The following PTDSS1 variants were observed in gnomAD, a reference collection of about 807,000 sequenced individuals.
PTDSS1 encodes the protein PSS-1.
PTDSS1 carries 45 observed loss-of-function variants against 70.5 expected under a neutral mutation model. The observed-to-expected ratio is 0.64, with a 90% CI of 0.50 to 0.82. The LOEUF is 0.82. Ranked by LOEUF, PTDSS1 falls within the 40% of genes least tolerant of loss-of-function variation. The probability of loss-of-function intolerance (pLI) is 0.00; values close to 1 mark genes in which losing one functional copy is unlikely to be tolerated. For synonymous variants in PTDSS1, 188 were observed against 203.8 expected (o/e 0.92, Z 0.66); for missense variants, 417 against 586.1 (o/e 0.71, Z 2.98).
chr8:96,317,028 T>G (rs1039188049), intron 9 of PTDSS1, among the ~76,000 whole-genome samples: 7 of 30,486 alleles, frequency 2.3e-4, no homozygotes, highest in Admixed American at 8.6e-4. Context: ...TATATATATA[T>G]GTGTCTATAT....
At chr8:96,310,576 T>C (rs1811196627) in intron 9 of PTDSS1, among the ~76,000 whole-genome samples, 2 of 152,002 alleles carry the variant, frequency 1.3e-5, no homozygotes, top group African/African-American at 4.8e-5. Flanking sequence ...TTGGTTGCAT[T>C]CCTTCTGGAT....
At chr8:96,316,880 G>A (rs1345002076) in intron 9 of PTDSS1, among the ~76,000 whole-genome samples, 1 of 151,980 alleles carries the variant, frequency 6.6e-6, no homozygotes, top group African/African-American at 2.4e-5. Context: ...TGTAGTCCCA[G>A]CTACTCAGTA....
intron 7 of PTDSS1, among the ~76,000 whole-genome samples, chr8:96,305,350 A>C (rs1300133172): frequency 6.6e-6 from 1 of 152,172 alleles, no homozygotes; most frequent in Admixed American, 6.5e-5. Context: ...AACAACATGC[A>C]TTTTGTGGAA....
At chr8:96,310,207 C>T (rs1489867021) in intron 9 of PTDSS1, among the ~76,000 whole-genome samples, 2 of 150,686 alleles carry the variant, frequency 1.3e-5, no homozygotes, top group Non-Finnish European at 3.0e-5. Flanking sequence ...CACTCTGTCC[C>T]AGGCTGGAGG....
chr8:96,292,510 G>A (rs1810922308), intron 4 of PTDSS1, among the ~76,000 whole-genome samples: 1 of 152,130 alleles, frequency 6.6e-6, no homozygotes, highest in Non-Finnish European at 1.5e-5. Context: ...CAGATCATGA[G>A]GCAGAGGGCC....
At chr8:96,316,198 A>T (rs1811286372) in intron 9 of PTDSS1, among the ~76,000 whole-genome samples, 1 of 152,088 alleles carries the variant, frequency 6.6e-6, no homozygotes, top group Non-Finnish European at 1.5e-5. Flanking sequence ...CCATGTCTGG[A>T]TGAGTACAGT....
chr8:96,323,115 T>C (rs748023948), intron 10 of PTDSS1, among the ~76,000 whole-genome samples: 1 of 152,232 alleles, frequency 6.6e-6, no homozygotes, highest in Non-Finnish European at 1.5e-5. Flanking sequence ...TTTGACTTTA[T>C]GTTCTGTGTC....
At chr8:96,270,597 G>A (rs1810552033) in intron 1 of PTDSS1, among the ~76,000 whole-genome samples, 1 of 152,170 alleles carries the variant, frequency 6.6e-6, no homozygotes. Context: ...TGACATTGGG[G>A]CCTTTAGTCT....
At chr8:96,320,722 A>T (rs917075688) in intron 10 of PTDSS1, among the ~76,000 whole-genome samples, 13 of 152,198 alleles carry the variant, frequency 8.5e-5, no homozygotes, top group African/African-American at 3.1e-4. Context: ...CCTACATATC[A>T]TTGCACATGG....
intron 3 of PTDSS1, among the ~76,000 whole-genome samples, chr8:96,284,542 A>G (rs1810794100): frequency 6.6e-6 from 1 of 152,246 alleles, no homozygotes; most frequent in Non-Finnish European, 1.5e-5. Flanking sequence ...AAAACAAAGC[A>G]ATTCAATTTC....
In PTDSS1 at chr8:96,336,103, G is replaced by A. The variant is rs1410594121; in HGVS notation, c.*2537G>A. The A allele has an allele frequency of 1.3e-5, 2 of 150,306 alleles. No individual in the cohort carries two copies. The highest frequency in any genetic ancestry group is 2.9e-5 in the Non-Finnish European group (2 of 68,002). 9.3% of individuals were successfully genotyped at this position (150,306 alleles called of 1,614,324 possible). A position where few individuals can be genotyped will look rare whatever the true frequency, so the allele number is the denominator to read the frequency against. On this transcript the variant is annotated 3_prime_UTR_variant, in exon 13 of 13. Transcript: ENST00000517309. ...GTTTCCACCATTCATAGAAACCTTG[G>A]AACCACTCTCACAGCAATGCTAGGA...
At chr8:96,270,690 A>G (rs1484116642) in intron 1 of PTDSS1, among the ~76,000 whole-genome samples, 1 of 152,126 alleles carries the variant, frequency 6.6e-6, no homozygotes, top group African/African-American at 2.4e-5. Context: ...CATACTGCAT[A>G]TTTTCAGTTT....
rs1811594915 is a variant in PTDSS1, at chr8:96,336,451, A to T, written c.*2885A>T. On this transcript the variant is annotated 3_prime_UTR_variant, in exon 13 of 13. Transcript: ENST00000517309. ...GGTTGGACACAGAAGGGGAGGCTAA[A>T]CACAAGGTGGGGAAGAAAAAATGTA... is the stretch of plus-strand genomic sequence containing the variant. The T allele has an allele frequency of 6.6e-6, 1 of 151,974 alleles. No homozygotes were observed. The highest frequency in any genetic ancestry group is 2.4e-5 in the African/African-American group (1 of 41,224). The allele number at this position is 151,974 out of a possible 1,614,324, so 9.4% of individuals were successfully genotyped here. A position where few individuals can be genotyped will look rare whatever the true frequency, so the allele number is the denominator to read the frequency against.
chr8:96,268,217 T>A (rs1431987760), intron 1 of PTDSS1, among the ~76,000 whole-genome samples: 3 of 152,198 alleles, frequency 2.0e-5, no homozygotes, highest in Non-Finnish European at 4.4e-5. Flanking sequence ...ACAAGGATCA[T>A]AACTTTCTAT....
chr8:96,293,041 G>A (rs1314854591), intron 4 of PTDSS1, among the ~76,000 whole-genome samples: 3 of 152,164 alleles, frequency 2.0e-5, no homozygotes, highest in Non-Finnish European at 4.4e-5. Flanking sequence ...ACATTGGGAC[G>A]GGCATGCTAC....
At chr8:96,309,734 G>A in intron 9 of PTDSS1, 112 bp downstream of exon 9, 1 of 896,922 alleles carries the variant, frequency 1.1e-6, no homozygotes, top group East Asian at 2.6e-5. Flanking sequence ...TATGAAGACA[G>A]GTGGACTAGA....
At chr8:96,271,416 G>A (rs1360490861) in intron 1 of PTDSS1, among the ~76,000 whole-genome samples, 3 of 152,030 alleles carry the variant, frequency 2.0e-5, no homozygotes, top group African/African-American at 7.2e-5. Context: ...CCCATCACAA[G>A]ACTGGACCAT....
At chr8:96,286,729 G>A (rs1283184935) in intron 3 of PTDSS1, among the ~76,000 whole-genome samples, 1 of 152,120 alleles carries the variant, frequency 6.6e-6, no homozygotes, top group Non-Finnish European at 1.5e-5. Context: ...CCTGAATGTT[G>A]CGTGCAATCC....
intron 3 of PTDSS1, among the ~76,000 whole-genome samples, chr8:96,285,371 G>A (rs552311999): frequency 6.6e-6 from 1 of 152,168 alleles, no homozygotes; most frequent in Non-Finnish European, 1.5e-5. Context: ...GAGAGTCATC[G>A]GGCACAGATG....
Sources: allele counts gnomAD v4.1 joint callset (sites outside exome capture counted in the v4.1 genomes callset), GRCh38; gene constraint gnomAD v4.1.1; transcripts MANE v1.5; gene names NCBI Gene and HGNC (gene_info 2026-07-23, HGNC 2026-07-21).